THOC5: variants seen among roughly 807,000 people sequenced by gnomAD.
THOC5 encodes THO complex subunit 5.
Under a neutral mutation model 92.9 loss-of-function variants are expected in THOC5, and 43 were observed. The observed-to-expected ratio is 0.46, with a 90% CI of 0.36 to 0.60. THOC5 has a LOEUF of 0.60. THOC5 is among the 20% of genes least tolerant of loss of function. THOC5 has a pLI of 0.00. For synonymous variants in THOC5, 296 were observed against 320.1 expected, an observed-to-expected ratio of 0.92 and a Z score of 0.80; for missense variants, 659 against 849.4, an observed-to-expected ratio of 0.78 and a Z score of 2.79.
Position 29,538,800 on chromosome 22 carries a change from G to GAAAAAAAAAAAAAAAAAAAA in THOC5, c.599+529_599+530insTTTTTTTTTTTTTTTTTTTT, listed in dbSNP as rs1491105374. On this transcript the variant is annotated intron_variant, in intron 6 of 19. Coordinates refer to ENST00000490103, the MANE Select transcript of THOC5 (RefSeq NM_003678.5). ...CAATAGAGTGAAACGCCATCTCTTT[G>GAAAAAAAAAAAAAAAAAAAA]GAAAAAAAAAAAAAAAAAAAAAAAA... Among the ~76,000 whole-genome samples, 2 of 32,988 alleles carry GAAAAAAAAAAAAAAAAAAAA rather than the reference G, an allele frequency of 6.1e-5. 1 individual carries two copies. The highest frequency in any genetic ancestry group is 2.2e-4 in the African/African-American group (2 of 9,018). 21.6% of individuals were successfully genotyped at this position (32,988 alleles called of 152,430 possible).
Position 29,528,462 on chromosome 22 carries a change from G to A in THOC5, c.930C>T (p.Asp310=), listed in dbSNP as rs368086274. The A allele has an allele frequency of 4.4e-5, 71 of 1,612,978 alleles. No individual in the cohort carries two copies. Among genetic ancestry groups the A allele is most frequent in the South Asian group, 6.6e-5 (6 of 91,078 alleles). Reference sequence around the variant, plus strand: ...CCTCCTCGGCATCTGAGTCACTCTCGTCATCTGCAGCCACAGAGAGAAGGC... The same window carrying A: ...CCTCCTCGGCATCTGAGTCACTCTCATCATCTGCAGCCACAGAGAGAAGGC... ...LFKPPEDSQD[D]ESDSDAEEEQ... is the part of the protein sequence containing the mutation. The change falls in exon 10 of 20, where the codon GAC becomes GAT. Residue 310 remains aspartate, a synonymous_variant. Transcript: ENST00000490103.
Position 29,536,654 on chromosome 22 carries a change from G to C in THOC5, c.684C>G (p.Ser228Arg). 1 of 1,613,304 alleles carries C rather than the reference G, an allele frequency of 6.2e-7. No homozygotes were observed. The highest frequency in any genetic ancestry group is 8.5e-7 in the Non-Finnish European group (1 of 1,179,180). The change falls in exon 7 of 20, where the codon AGC (serine) becomes AGG (arginine). Residue 228 changes from serine to arginine, a missense_variant. Transcript: ENST00000490103. ...EIEVKKEYLS[S>R]LQPRLNSIMQ... Reference sequence around the variant, plus strand: ...TGATGCTGTTGAGGCGGGGCTGGAGGCTGCTCAGGTACTCCTTCTTCACCT... The same window carrying C: ...TGATGCTGTTGAGGCGGGGCTGGAGCCTGCTCAGGTACTCCTTCTTCACCT...
At chr22:29,512,412 T>C (rs757481590) in intron 17 of THOC5, among the ~76,000 whole-genome samples, 2 of 152,232 alleles carry the variant, frequency 1.3e-5, no homozygotes, top group Non-Finnish European at 2.9e-5. Flanking sequence ...CTTGGCTCTC[T>C]CCATGAGTTC....
chr22:29,539,535 G>C, intron 5 of THOC5, 59 bp from the exon 6 acceptor site: 7 of 1,574,016 alleles, frequency 4.4e-6, no homozygotes, highest in Non-Finnish European at 5.2e-6. Flanking sequence ...TGTAGTTTAA[G>C]CAGGCCCAAA....
chr22:29,541,642 A>G (rs2063885486), intron 5 of THOC5, among the ~76,000 whole-genome samples: 1 of 150,750 alleles, frequency 6.6e-6, no homozygotes, highest in East Asian at 1.9e-4. Context: ...CAGGCGGATC[A>G]TAAGATCAGG....
At position 29,544,541 on chromosome 22, in the gene THOC5, C is replaced by T. The variant is rs1003396232; in HGVS notation, c.159G>A (p.Glu53=). The T allele has an allele frequency of 6.2e-7, 1 of 1,614,020 alleles. No individual in the cohort carries two copies. The highest frequency in any genetic ancestry group is 8.5e-7 in the Non-Finnish European group (1 of 1,179,972). ...GCTCCTGGCAGGTGTACTTGTATAA[C>T]TCATAGTCTCTGCCAGGGTCCCGCA... ...VDLRDPGRDY[E]LYKYTCQELQ... Residue 53 remains glutamate (E), a synonymous_variant, in exon 3 of 20, where the codon GAG becomes GAA. Transcript: ENST00000490103.
At chr22:29,541,818 G>T (rs2063891114) in intron 5 of THOC5, among the ~76,000 whole-genome samples, 1 of 120,592 alleles carries the variant, frequency 8.3e-6, no homozygotes, top group Non-Finnish European at 1.6e-5. Context: ...CCGAGATCAC[G>T]CCACTGCACT....
At chr22:29,543,081 C>T (rs1019988298) in intron 4 of THOC5, 125 bp from the exon 5 acceptor site, 31 of 666,322 alleles carry the variant, frequency 4.7e-5, no homozygotes, top group South Asian at 4.1e-4. Context: ...CAGTGGCTCA[C>T]GCCTGTAATC....
At chr22:29,526,815 T>C (rs775250661) in intron 11 of THOC5, among the ~76,000 whole-genome samples, 4 of 152,074 alleles carry the variant, frequency 2.6e-5, no homozygotes, top group Admixed American at 6.6e-5. Flanking sequence ...ATCCATAATC[T>C]CAGTCTAATC....
chr22:29,537,979 A>ATTAT lies in THOC5; in HGVS notation c.600-1245_600-1242dup, dbSNP rs551338189. Among the ~76,000 whole-genome samples the ATTAT allele has an allele frequency of 1.1e-4, 17 of 152,278 alleles. 1 individual carries two copies. In the East Asian group the frequency reaches 2.7e-3, roughly 24 times the overall value. On this transcript the variant is annotated intron_variant, in intron 6 of 19. Transcript: ENST00000490103. The stretch of plus-strand genomic sequence containing the variant: ...TTATACCTAAAGTGTGACTTGAAGC[A>ATTAT]TTATTTATTTATTTATTTTTTGAGA...
Position 29,549,129 on chromosome 22 carries a change from T to G in THOC5, c.19A>C (p.Lys7Gln), listed in dbSNP as rs769104748. ...CGGATCACTTTGGGCTTCCGTTTTT[T>G]GCTCGATTCTGATGACATGGTTGTT... is the stretch of plus-strand genomic sequence containing the variant. MSSESS[K>Q]KRKPKVIRSD... Residue 7 changes from lysine to glutamine, a missense_variant, in exon 2 of 20, where the codon AAA becomes CAA. By Grantham distance (53) the Lys-to-Gln change is moderately conservative. Coordinates refer to ENST00000490103, the MANE Select transcript of THOC5 (RefSeq NM_003678.5). 6.2e-7 allele frequency: 1 copy of G among 1,614,094 alleles called. No individual in the cohort carries two copies. The highest frequency in any genetic ancestry group is 8.5e-7 in the Non-Finnish European group (1 of 1,180,036).
intron 5 of THOC5, among the ~76,000 whole-genome samples, chr22:29,540,703 C>T (rs1489537634): frequency 2.0e-5 from 3 of 152,092 alleles, no homozygotes; most frequent in Admixed American, 1.3e-4. Context: ...TTTAAGACTC[C>T]AAGAAGTTTC....
At chr22:29,548,954 C>G in intron 2 of THOC5, 98 bp downstream of exon 2, 1 of 1,147,718 alleles carries the variant, frequency 8.7e-7, no homozygotes. Context: ...AAAAGTTGTA[C>G]CTGGTAGATG....
Position 29,526,226 on chromosome 22 carries a change from A to T in THOC5, c.1067-280T>A, listed in dbSNP as rs187247037. 5.3e-5 allele frequency among the ~76,000 whole-genome samples: 8 copies of T among 152,318 alleles called. No homozygotes were observed. The East Asian group carries it at 1.3e-3, about 26-fold the overall frequency. ...TATAGAAAAATTCAGAGACTTTTAC[A>T]ATCATTTACTATAAAAACAAAATCG... On this transcript the variant is annotated intron_variant, in intron 11 of 19. Transcript: ENST00000490103.
Position 29,539,334 on chromosome 22 carries a change from T to A in THOC5, c.595A>T (p.Lys199Ter). ...TCAGGAAGGAGGAAATGCTACCTTT[T>A]CCGCTGCTCCAGCTCCCAGTCCAGA... Reference protein sequence around the residue: ...ARLDWELEQRKRLAEKYRECL... With the variant: ...ARLDWELEQR The change falls in exon 6 of 20, where the codon AAA becomes TAA. Residue 199 changes from lysine (K) to a stop codon, truncating the protein, a stop_gained. Transcript: ENST00000490103. LOFTEE classifies it high-confidence loss of function. 3.1e-6 allele frequency: 5 copies of A among 1,613,570 alleles called. No homozygotes were observed. The highest frequency in any genetic ancestry group is 4.2e-6 in the Non-Finnish European group (5 of 1,179,706).
chr22:29,512,233 T>C (rs759483314), intron 17 of THOC5, 97 bp from the exon 18 acceptor site: 1 of 866,036 alleles, frequency 1.2e-6, no homozygotes, highest in Non-Finnish European at 1.9e-6. Flanking sequence ...AGCTCAGATG[T>C]CTCCTATTAA....
At position 29,506,327 on chromosome 22, in the gene THOC5, ACTTCTCT is replaced by A. The variant is rs2063141569; in HGVS notation, c.*2123_*2129del. On this transcript the variant is annotated 3_prime_UTR_variant, in exon 20 of 20. Transcript: ENST00000490103. ...AAAGGTTGTTACCTATCTTCCCAAG[ACTTCTCT>A]TAATCAAATAATTATATTTTGAGGC... The A allele has an allele frequency of 6.6e-6, 1 of 152,104 alleles. No individual in the cohort carries two copies. Among genetic ancestry groups the A allele is most frequent in the South Asian group, 2.1e-4 (1 of 4,826 alleles). 9.4% of individuals were successfully genotyped at this position (152,104 alleles called of 1,614,324 possible).
At chr22:29,520,133 G>A in intron 13 of THOC5, 29 bp from the exon 14 acceptor site, 1 of 1,600,256 alleles carries the variant, frequency 6.2e-7, no homozygotes, top group Non-Finnish European at 8.6e-7. Flanking sequence ...ATAAAATTGT[G>A]CTGTAAGTCA....
At chr22:29,532,064 A>G in intron 7 of THOC5, 101 bp from the exon 8 acceptor site, 1 of 1,403,414 alleles carries the variant, frequency 7.1e-7, no homozygotes, top group Non-Finnish European at 9.7e-7. Context: ...TAAAAGTGAT[A>G]CATGATAAAC....
Sources: allele counts gnomAD v4.1 joint callset (sites outside exome capture counted in the v4.1 genomes callset), GRCh38; gene constraint gnomAD v4.1.1; transcripts MANE v1.5; gene names NCBI Gene and HGNC (gene_info 2026-07-23, HGNC 2026-07-21).